MAGI2: variants seen among roughly 807,000 people sequenced by gnomAD.
MAGI2 encodes the protein membrane associated guanylate kinase, WW and PDZ domain containing 2.
Under a neutral mutation model 133.3 loss-of-function variants are expected in MAGI2, and 35 were observed. That is an observed-to-expected ratio of 0.26 (90% confidence interval 0.20 to 0.35). MAGI2 has a LOEUF of 0.35. Ranked by LOEUF, MAGI2 falls within the 10% of genes least tolerant of loss-of-function variation. The probability of loss-of-function intolerance (pLI) is 1.00; values close to 1 mark genes in which losing one functional copy is unlikely to be tolerated. For synonymous variants in MAGI2, 729 were observed against 710.6 expected (o/e 1.03, Z -0.41); for missense variants, 1,636 against 1,863.4 (o/e 0.88, Z 2.25).
chr7:78,365,718 T>C (rs1793307118), intron 7 of MAGI2, among the ~76,000 whole-genome samples: 1 of 152,198 alleles, frequency 6.6e-6, no homozygotes, highest in Admixed American at 6.5e-5. Flanking sequence ...TAAAATTGAA[T>C]TTGCAGGGGA....
At chr7:78,424,630 A>G (rs920364387) in intron 6 of MAGI2, among the ~76,000 whole-genome samples, 1 of 152,174 alleles carries the variant, frequency 6.6e-6, no homozygotes, top group Non-Finnish European at 1.5e-5. Context: ...TACCCTGCAA[A>G]GCCATAGGGG....
At chr7:78,055,912 T>C (rs1382092421) in intron 21 of MAGI2, among the ~76,000 whole-genome samples, 1 of 152,214 alleles carries the variant, frequency 6.6e-6, no homozygotes, top group Non-Finnish European at 1.5e-5. Context: ...TTAGGGCTGC[T>C]GGAGCTCCTG....
chr7:79,077,483 G>A (rs1334066471), intron 1 of MAGI2, among the ~76,000 whole-genome samples: 1 of 150,156 alleles, frequency 6.7e-6, no homozygotes, highest in Admixed American at 6.7e-5. Flanking sequence ...GCGGAGGCAG[G>A]AGAATGGTGT....
intron 2 of MAGI2, among the ~76,000 whole-genome samples, chr7:78,653,719 C>T (rs1475941951): frequency 6.7e-6 from 1 of 149,094 alleles, no homozygotes; most frequent in African/African-American, 2.5e-5. Flanking sequence ...GGCATGTGTA[C>T]ACCTATGTAA....
At chr7:79,169,387 G>T (rs577277833) in intron 1 of MAGI2, among the ~76,000 whole-genome samples, 41 of 152,230 alleles carry the variant, frequency 2.7e-4, no homozygotes, top group Non-Finnish European at 4.4e-4. Context: ...CATATGGTTA[G>T]TTCTTTGGAA....
intron 2 of MAGI2, among the ~76,000 whole-genome samples, chr7:78,798,945 A>G (rs537610924): frequency 2.3e-4 from 35 of 152,334 alleles, no homozygotes; most frequent in African/African-American, 8.4e-4. Context: ...CTACCTTGCA[A>G]GAAGATCAAG....
intron 1 of MAGI2, among the ~76,000 whole-genome samples, chr7:79,170,807 C>A (rs1429137904): frequency 3.3e-5 from 5 of 151,936 alleles, no homozygotes; most frequent in East Asian, 1.9e-4. Flanking sequence ...GTGTTATGAA[C>A]AATTTGATTC....
At chr7:78,668,664 T>C (rs1199166420) in intron 2 of MAGI2, among the ~76,000 whole-genome samples, 3 of 152,056 alleles carry the variant, frequency 2.0e-5, no homozygotes, top group African/African-American at 7.2e-5. Flanking sequence ...CTTTCCCCAT[T>C]GCTTGTTTTT....
chr7:78,227,455 C>G (rs1789505886), intron 10 of MAGI2, among the ~76,000 whole-genome samples: 1 of 152,216 alleles, frequency 6.6e-6, no homozygotes, highest in Non-Finnish European at 1.5e-5. Context: ...CATCTCACCT[C>G]TAAGGTCTCA....
intron 2 of MAGI2, among the ~76,000 whole-genome samples, chr7:78,954,897 G>A (rs937030192): frequency 1.3e-5 from 2 of 152,042 alleles, no homozygotes; most frequent in Non-Finnish European, 2.9e-5. Flanking sequence ...AAAGAGGTCT[G>A]GTTATTATAG....
At chr7:78,080,934 T>C (rs1237435975) in intron 20 of MAGI2, among the ~76,000 whole-genome samples, 1 of 152,170 alleles carries the variant, frequency 6.6e-6, no homozygotes, top group Middle Eastern at 3.2e-3. Flanking sequence ...CTTTACATGG[T>C]TATTCCAGTA....
chr7:78,657,685 G>C (rs1034663025), intron 2 of MAGI2, among the ~76,000 whole-genome samples: 1 of 152,196 alleles, frequency 6.6e-6, no homozygotes, highest in Non-Finnish European at 1.5e-5. Flanking sequence ...CAGAGCATAT[G>C]TGATTTTTAG....
intron 1 of MAGI2, among the ~76,000 whole-genome samples, chr7:79,373,797 G>A (rs1843206702): frequency 6.6e-6 from 1 of 152,056 alleles, no homozygotes; most frequent in South Asian, 2.1e-4. Flanking sequence ...TTGGCGGTCA[G>A]ATGATAATGG....
intron 6 of MAGI2, among the ~76,000 whole-genome samples, chr7:78,385,305 A>G (rs910317318): frequency 3.9e-5 from 6 of 152,182 alleles, no homozygotes; most frequent in African/African-American, 1.4e-4. Context: ...TTAAACATTA[A>G]CACAATGGAC....
intron 10 of MAGI2, among the ~76,000 whole-genome samples, chr7:78,213,566 A>G (rs537390797): frequency 1.5e-4 from 23 of 152,338 alleles, no homozygotes; most frequent in Middle Eastern, 3.4e-3. Context: ...TTCTCTGTAC[A>G]TGGTGAACTA....
intron 2 of MAGI2, among the ~76,000 whole-genome samples, chr7:78,763,507 T>A (rs538183232): frequency 6.6e-6 from 1 of 152,082 alleles, no homozygotes; most frequent in Non-Finnish European, 1.5e-5. Flanking sequence ...GTGGAAGGGG[T>A]TGTCTATGAT....
At chr7:78,227,850 T>TTTG (rs10630131) in intron 10 of MAGI2, among the ~76,000 whole-genome samples, 34 of 145,650 alleles carry the variant, frequency 2.3e-4, no homozygotes, top group African/African-American at 2.7e-4. Context: ...TCTTACTCAG[T>TTTG]TGTGTGTGTG....
intron 2 of MAGI2, among the ~76,000 whole-genome samples, chr7:79,003,304 G>C (rs1194401938): frequency 6.6e-6 from 1 of 152,114 alleles, no homozygotes; most frequent in East Asian, 1.9e-4. Context: ...AGATGTAGTT[G>C]GTGGTAGAGT....
intron 11 of MAGI2, 147 bp downstream of exon 11, chr7:78,201,015 G>A: frequency 1.7e-6 from 1 of 572,658 alleles, no homozygotes; most frequent in South Asian, 2.4e-5. Flanking sequence ...ACAGATACAA[G>A]ACAAAAGGAC....
Sources: gnomAD v4.1 joint callset for allele counts (sites outside exome capture counted in the v4.1 genomes callset) on GRCh38, gnomAD v4.1.1 for gene constraint, MANE v1.5 for transcripts, NCBI Gene and HGNC (gene_info 2026-07-23, HGNC 2026-07-21) for gene names.